The following SGCZ variants were observed in gnomAD, a reference collection of about 807,000 sequenced individuals.
SGCZ encodes sarcoglycan zeta.
In SGCZ, 40 loss-of-function variants were observed where a neutral mutation model predicts 41.3. The observed-to-expected ratio is 0.97, with a 90% CI of 0.75 to 1.26. SGCZ has a LOEUF of 1.26. SGCZ is among the 50% of genes most tolerant of loss of function. SGCZ has a pLI of 0.00. For missense variants in SGCZ, 552 were observed against 369.8 expected, an observed-to-expected ratio of 1.49 and a Z score of -4.04; for synonymous variants, 206 against 137.5, an observed-to-expected ratio of 1.50 and a Z score of -3.49.
chr8:15,170,034 T>A (rs537606506), intron 1 of SGCZ, among the ~76,000 whole-genome samples: 94 of 152,340 alleles, frequency 6.2e-4, no homozygotes, highest in Non-Finnish European at 1.2e-3. Flanking sequence ...ATGACACACT[T>A]CAGTTTGGAT....
chr8:14,695,860 T>C (rs1441712715), intron 1 of SGCZ, among the ~76,000 whole-genome samples: 2 of 152,018 alleles, frequency 1.3e-5, no homozygotes, highest in African/African-American at 4.8e-5. Flanking sequence ...AAGGCATTGC[T>C]AGATCAATAA....
chr8:14,527,400 C>T (rs1802985811), intron 2 of SGCZ, among the ~76,000 whole-genome samples: 1 of 152,166 alleles, frequency 6.6e-6, no homozygotes, highest in Admixed American at 6.6e-5. Flanking sequence ...CTCCTGGGCT[C>T]AAGCAGTCCT....
chr8:14,709,893 T>C (rs1172608892), intron 1 of SGCZ, among the ~76,000 whole-genome samples: 1 of 152,126 alleles, frequency 6.6e-6, no homozygotes, highest in African/African-American at 2.4e-5. Flanking sequence ...CTCTCCTTAT[T>C]TTATAAATGA....
chr8:14,180,493 G>T (rs1804686720), intron 4 of SGCZ, among the ~76,000 whole-genome samples: 2 of 151,824 alleles, frequency 1.3e-5, no homozygotes, highest in Admixed American at 1.3e-4. Flanking sequence ...CTGAGCACTA[G>T]AACAAAATAT....
intron 2 of SGCZ, among the ~76,000 whole-genome samples, chr8:14,550,773 C>T (rs1406925351): frequency 1.3e-5 from 2 of 151,892 alleles, no homozygotes; most frequent in Non-Finnish European, 2.9e-5. Context: ...CATCATATTG[C>T]CATAAAAAAT....
At chr8:14,258,649 G>A (rs992768919) in intron 3 of SGCZ, among the ~76,000 whole-genome samples, 2 of 152,186 alleles carry the variant, frequency 1.3e-5, no homozygotes, top group Admixed American at 6.5e-5. Flanking sequence ...ATATTCAGAA[G>A]AGCACAAAAT....
intron 1 of SGCZ, among the ~76,000 whole-genome samples, chr8:15,015,665 G>A (rs1445881939): frequency 8.1e-6 from 1 of 123,864 alleles, no homozygotes; most frequent in African/African-American, 3.1e-5. Flanking sequence ...TCCAGCGTAG[G>A]CAACAGAGAG....
chr8:14,628,339 A>T (rs1409972561), intron 1 of SGCZ, among the ~76,000 whole-genome samples: 1 of 134,202 alleles, frequency 7.5e-6, no homozygotes, highest in African/African-American at 2.6e-5. Flanking sequence ...AAAATATTAC[A>T]GCTGATAACC....
At chr8:15,050,591 G>C (rs555997786) in intron 1 of SGCZ, among the ~76,000 whole-genome samples, 1 of 152,200 alleles carries the variant, frequency 6.6e-6, no homozygotes, top group South Asian at 2.1e-4. Flanking sequence ...TTACAAGTAA[G>C]AGAAATAACC....
intron 4 of SGCZ, among the ~76,000 whole-genome samples, chr8:14,167,563 A>G (rs1804246927): frequency 6.6e-6 from 1 of 152,232 alleles, no homozygotes; most frequent in African/African-American, 2.4e-5. Flanking sequence ...AACAAAGAGA[A>G]GTCAAGGATA....
At chr8:14,105,767 C>T (rs971383993) in intron 6 of SGCZ, among the ~76,000 whole-genome samples, 28 of 152,024 alleles carry the variant, frequency 1.8e-4, no homozygotes, top group African/African-American at 6.3e-4. Context: ...TAATATCATT[C>T]GCATTTTCAC....
chr8:15,178,802 GA>G (rs5889572), intron 1 of SGCZ, among the ~76,000 whole-genome samples: 62,246 of 151,978 alleles, frequency 0.41, 14,374 homozygotes, highest in Non-Finnish European at 0.5. Context: ...TGCAGGGAAG[GA>G]AAAAAACTAG....
At chr8:14,338,212 G>C (rs1802566889) in intron 2 of SGCZ, among the ~76,000 whole-genome samples, 1 of 152,124 alleles carries the variant, frequency 6.6e-6, no homozygotes, top group Non-Finnish European at 1.5e-5. Context: ...CCTGAGAAAG[G>C]CTCAGACTCC....
chr8:14,825,995 T>C (rs970988307), intron 1 of SGCZ, among the ~76,000 whole-genome samples: 1 of 152,058 alleles, frequency 6.6e-6, no homozygotes, highest in East Asian at 1.9e-4. Flanking sequence ...TGTGCAGGTT[T>C]GTTACATATG....
chr8:14,679,496 TACATATATATTATATATATAC>T (rs147676268), intron 1 of SGCZ, among the ~76,000 whole-genome samples: 30,738 of 151,150 alleles, frequency 0.2, 3,735 homozygotes, highest in East Asian at 0.44. Flanking sequence ...GTAATATATA[TACATATATATTATATATATAC>T]ACACATATAT....
intron 1 of SGCZ, among the ~76,000 whole-genome samples, chr8:14,827,754 T>C (rs1448317886): frequency 3.3e-5 from 5 of 152,198 alleles, no homozygotes; most frequent in African/African-American, 9.6e-5. Context: ...ATATAAGTCA[T>C]CTTTATATCA....
At chr8:15,027,709 G>C (rs1217491389) in intron 1 of SGCZ, among the ~76,000 whole-genome samples, 1 of 151,968 alleles carries the variant, frequency 6.6e-6, no homozygotes, top group Non-Finnish European at 1.5e-5. Flanking sequence ...TAACTACTTT[G>C]TCCTTTAACA....
chr8:14,676,040 C>A lies in SGCZ; in HGVS notation c.40-121114G>T, dbSNP rs146588070. Among the ~76,000 whole-genome samples, 49 of 152,114 alleles carry A rather than the reference C, an allele frequency of 3.2e-4. No homozygotes were observed. The East Asian group carries it at 9.1e-3, about 28-fold the overall frequency. On this transcript the variant is annotated intron_variant, in intron 1 of 7. Transcript: ENST00000382080. Reference sequence around the variant, plus strand: ...CACGTATTTGAGAAAACTACTGAGACCAGGGAAGAAAACTAGCAGAGGAAT... The same window carrying A: ...CACGTATTTGAGAAAACTACTGAGAACAGGGAAGAAAACTAGCAGAGGAAT...
chr8:14,490,941 T>C (rs1301515956), intron 2 of SGCZ, among the ~76,000 whole-genome samples: 1 of 152,250 alleles, frequency 6.6e-6, no homozygotes, highest in African/African-American at 2.4e-5. Flanking sequence ...GACAGCCATA[T>C]AATTCTTAGT....
Sources: gnomAD v4.1 joint callset for allele counts (sites outside exome capture counted in the v4.1 genomes callset) on GRCh38, gnomAD v4.1.1 for gene constraint, MANE v1.5 for transcripts, NCBI Gene and HGNC (gene_info 2026-07-23, HGNC 2026-07-21) for gene names.